ACSM2A: variants seen among roughly 807,000 people sequenced by gnomAD.
The protein encoded by ACSM2A is acyl-coenzyme A synthetase ACSM2A, mitochondrial.
Under a neutral mutation model 76.6 loss-of-function variants are expected in ACSM2A, and 72 were observed. That is an observed-to-expected ratio of 0.94 (90% CI 0.78 to 1.14). The LOEUF is 1.14. Ranked by LOEUF, ACSM2A falls within the 50% of genes most tolerant of loss-of-function variation. The pLI is 0.00. For missense variants in ACSM2A, 684 were observed against 708.5 expected, an observed-to-expected ratio of 0.97 and a Z score of 0.39; for synonymous variants, 249 against 255.9, an observed-to-expected ratio of 0.97 and a Z score of 0.26.
Position 20,471,110 on chromosome 16 carries a change from A to G in ACSM2A, c.634A>G (p.Ser212Gly), listed in dbSNP as rs369585321. The change falls in exon 5 of 14, where the codon AGC (serine) becomes GGC (glycine). Residue 212 changes from serine to glycine, a missense_variant. By Grantham distance (56) the Ser-to-Gly change is moderately conservative. This residue lies in a region of ACSM2A where 519 missense variants were observed against 549.5 expected (regional missense o/e 0.94). Transcript: ENST00000573854. ...STTHHCVETG[S>G]QEASAIYFTS... ...CACTCATCACTGTGTGGAGACTGGA[A>G]GCCAGGAAGCATCTGCCATCTACTT... 3.3e-5 allele frequency: 54 copies of G among 1,613,570 alleles called. No individual in the cohort carries two copies. Among genetic ancestry groups the G allele is most frequent in the Non-Finnish European group, 4.5e-5 (53 of 1,179,704 alleles).
chr16:20,460,414 C>T, intron 2 of ACSM2A, 123 bp downstream of exon 2: 4 of 1,478,798 alleles, frequency 2.7e-6, no homozygotes, highest in Non-Finnish European at 2.7e-6. Context: ...AAGCTATGGA[C>T]AAGACACTCG....
chr16:20,481,004 G>A (rs1392182309), intron 12 of ACSM2A, 83 bp downstream of exon 12: 5 of 1,525,986 alleles, frequency 3.3e-6, no homozygotes, highest in Admixed American at 1.8e-5. Flanking sequence ...CAGGGACTGT[G>A]GGGCTGAACA....
chr16:20,475,501 T>C (rs1024763861), intron 7 of ACSM2A, 60 bp downstream of exon 7: 2 of 1,608,298 alleles, frequency 1.2e-6, no homozygotes, highest in Non-Finnish European at 8.5e-7. Flanking sequence ...CTCCCTCACA[T>C]ACATTCATGC....
In ACSM2A at chr16:20,458,904, G is replaced by GTA. The variant is rs1567356709; in HGVS notation, c.-8-1203_-8-1202insTA. 1.6e-3 allele frequency among the ~76,000 whole-genome samples: 44 copies of GTA among 27,380 alleles called. 2 individuals carry two copies. Among genetic ancestry groups the GTA allele is most frequent in the African/African-American group, 0.012 (42 of 3,420 alleles). The allele number at this position is 27,380 out of a possible 152,430, so 18.0% of individuals were successfully genotyped here. ...TACATAGTATATATTATATATATATGCATATATATATATATATATATATAT... is the reference window on the plus strand; with the variant it reads ...TACATAGTATATATTATATATATATGTACATATATATATATATATATATATAT... On this transcript the variant is annotated intron_variant, in intron 1 of 13. Coordinates refer to ENST00000573854, the MANE Select transcript of ACSM2A (RefSeq NM_001308172.2).
chr16:20,462,543 T>C (rs1054910737), intron 2 of ACSM2A, among the ~76,000 whole-genome samples: 1 of 152,232 alleles, frequency 6.6e-6, no homozygotes, highest in Non-Finnish European at 1.5e-5. Context: ...GCTATAACTC[T>C]GATGGAGGCA....
chr16:20,460,300 G>C lies in ACSM2A; in HGVS notation c.177+9G>C. On this transcript the variant is annotated intron_variant, in intron 2 of 13. Coordinates refer to ENST00000573854, the MANE Select transcript of ACSM2A (RefSeq NM_001308172.2). ...GGGCTGACATGGAGAAGGTAATGGGGTGGAAAAGAGGCACAGAGTGAGACA... is the reference window on the plus strand; with the variant it reads ...GGGCTGACATGGAGAAGGTAATGGGCTGGAAAAGAGGCACAGAGTGAGACA... 1 of 1,613,522 alleles carries C rather than the reference G, an allele frequency of 6.2e-7. No individual in the cohort carries two copies. Among genetic ancestry groups the C allele is most frequent in the Non-Finnish European group, 8.5e-7 (1 of 1,179,678 alleles).
intron 11 of ACSM2A, 46 bp downstream of exon 11, chr16:20,480,746 C>T: frequency 6.2e-7 from 1 of 1,611,200 alleles, no homozygotes; most frequent in South Asian, 1.1e-5. Context: ...GGTCTTTACT[C>T]TGGCTGGTTC....
chr16:20,470,483 C>T (rs2013316425), intron 4 of ACSM2A, among the ~76,000 whole-genome samples: 1 of 152,180 alleles, frequency 6.6e-6, no homozygotes, highest in African/African-American at 2.4e-5. Flanking sequence ...TGATAGGAAA[C>T]TTGAAGGGAT....
intron 1 of ACSM2A, among the ~76,000 whole-genome samples, chr16:20,453,029 G>A (rs182218217): frequency 6.6e-5 from 10 of 152,082 alleles, no homozygotes; most frequent in East Asian, 3.9e-4. Context: ...CTATCTCACC[G>A]CTTCAGAAGC....
rs1167525390 is a variant in ACSM2A, at chr16:20,480,926, T to C, written c.1509+5T>C. Reference sequence around the variant, plus strand: ...CCAGACCCCGTCCGAGGAGAGGTGATGGGGAAGCAGTAGCCTGGGGGTGAA... The same window carrying C: ...CCAGACCCCGTCCGAGGAGAGGTGACGGGGAAGCAGTAGCCTGGGGGTGAA... On this transcript the variant is annotated splice_donor_5th_base_variant and intron_variant, in intron 12 of 13. Transcript: ENST00000573854. 6.2e-7 allele frequency: 1 copy of C among 1,613,606 alleles called. No individual in the cohort carries two copies. Among genetic ancestry groups the C allele is most frequent in the African/African-American group, 1.3e-5 (1 of 74,812 alleles).
intron 1 of ACSM2A, among the ~76,000 whole-genome samples, chr16:20,454,847 G>T (rs1337115445): frequency 6.6e-6 from 1 of 151,188 alleles, no homozygotes; most frequent in African/African-American, 2.4e-5. Context: ...ATTCAGAAGG[G>T]CAATTATTAA....
At chr16:20,454,904 A>AC in intron 1 of ACSM2A, among the ~76,000 whole-genome samples, 1 of 151,710 alleles carries the variant, frequency 6.6e-6, no homozygotes, top group East Asian at 1.9e-4. Context: ...TTTAAGGAAA[A>AC]AAAAAAATAC....
intron 12 of ACSM2A, 87 bp from the exon 13 acceptor site, chr16:20,482,971 A>G (rs1240534415): frequency 1.3e-6 from 2 of 1,564,018 alleles, no homozygotes; most frequent in Non-Finnish European, 1.7e-6. Flanking sequence ...TACAAGGGTG[A>G]TGGAAGTCTT....
At chr16:20,473,320 T>C (rs1217666853) in intron 6 of ACSM2A, among the ~76,000 whole-genome samples, 1 of 152,206 alleles carries the variant, frequency 6.6e-6, no homozygotes, top group Non-Finnish European at 1.5e-5. Flanking sequence ...AACTGGTTTT[T>C]ATTAAGTTCC....
intron 1 of ACSM2A, 26 bp downstream of exon 1, chr16:20,451,707 T>C (rs1312826144): frequency 6.6e-6 from 1 of 151,460 alleles, no homozygotes; most frequent in African/African-American, 2.4e-5. Flanking sequence ...AGGAATGGGC[T>C]GATGGGGTCA....
chr16:20,477,899 C>T (rs545898390), intron 9 of ACSM2A, among the ~76,000 whole-genome samples: 2 of 152,196 alleles, frequency 1.3e-5, no homozygotes, highest in Admixed American at 1.3e-4. Context: ...GGATGATGTC[C>T]CAGTTTTCAC....
intron 1 of ACSM2A, among the ~76,000 whole-genome samples, chr16:20,458,905 C>CATATATATATATATATATATATATACAT (rs2012401629): frequency 1.3e-5 from 1 of 74,872 alleles, no homozygotes; most frequent in Non-Finnish European, 2.4e-5. Flanking sequence ...TATATATATG[C>CATATATATATATATATATATATATACAT]ATATATATAT....
intron 1 of ACSM2A, among the ~76,000 whole-genome samples, chr16:20,456,877 T>C (rs7186923): frequency 0.38 from 53,464 of 141,954 alleles, 10,962 homozygotes; most frequent in East Asian, 0.79. Context: ...TTTGAAAAGA[T>C]AAATAAGATT....
rs370175517 is a variant in ACSM2A at position 20,478,047 on chromosome 16, T to G, written c.1180-529T>G. 1.1e-3 allele frequency among the ~76,000 whole-genome samples: 162 copies of G among 152,322 alleles called. 1 individual carries two copies. In the East Asian group the frequency reaches 0.019, roughly 18 times the overall value. ...TGTATATCTAAAGTGTAACTTAGAC[T>G]CTATTCAGTGTCATATCCAGTTACT... On this transcript the variant is annotated intron_variant, in intron 9 of 13. Transcript: ENST00000573854.
Sources: gnomAD v4.1 joint callset for allele counts (sites outside exome capture counted in the v4.1 genomes callset) on GRCh38, gnomAD v4.1.1 for gene constraint, gnomAD v4.1.1 regional missense constraint, MANE v1.5 for transcripts, NCBI Gene and HGNC (gene_info 2026-07-23, HGNC 2026-07-21) for gene names.